The following SMG5 variants were observed in gnomAD, a reference collection of about 807,000 sequenced individuals.
SMG5 encodes the protein SMG5 nonsense mediated mRNA decay factor, also known as nonsense-mediated mRNA decay factor SMG5.
Under a neutral mutation model 122.9 loss-of-function variants are expected in SMG5, and 53 were observed. That is an observed-to-expected ratio of 0.43 (90% CI 0.35 to 0.54). The LOEUF is 0.54. Among genes scored for constraint, SMG5 ranks in the 20% least tolerant of loss-of-function variants. The probability of loss-of-function intolerance (pLI) is 0.01; values close to 1 mark genes in which losing one functional copy is unlikely to be tolerated. For synonymous variants in SMG5, 477 were observed against 490.2 expected (o/e 0.97, Z 0.35); for missense variants, 1,153 against 1,285.6 (o/e 0.90, Z 1.58).
upstream of SMG5, chr1:156,285,826 T>C (rs760661434): frequency 1.9e-6 from 3 of 1,613,662 alleles, no homozygotes; most frequent in South Asian, 1.1e-5. Context: ...GGCTAAGGGC[T>C]GTGGCCTCCG....
intron 1 of SMG5, among the ~76,000 whole-genome samples, chr1:156,281,096 T>C: frequency 6.6e-6 from 1 of 152,120 alleles, no homozygotes; most frequent in Non-Finnish European, 1.5e-5. Flanking sequence ...AATCAGACTT[T>C]CCTCCTAGTT....
chr1:156,270,430 A>G (rs1312451591), intron 7 of SMG5, among the ~76,000 whole-genome samples: 1 of 152,254 alleles, frequency 6.6e-6, no homozygotes, highest in African/African-American at 2.4e-5. Context: ...CCAACCCTCC[A>G]GATATATTAG....
At chr1:156,266,426 C>T (rs773948113) in intron 11 of SMG5, 46 bp from the exon 12 acceptor site, 1 of 1,600,562 alleles carries the variant, frequency 6.2e-7, no homozygotes, top group Non-Finnish European at 8.5e-7. Context: ...ACAGGTGGAG[C>T]CTGGAAGCTG....
At chr1:156,274,799 A>G in intron 4 of SMG5, 113 bp from the exon 5 acceptor site, 1 of 813,212 alleles carries the variant, frequency 1.2e-6, no homozygotes. Flanking sequence ...GTCTTGGAAC[A>G]TTGTCTTTCA....
chr1:156,255,780 G>C (rs1459341449), intron 16 of SMG5, among the ~76,000 whole-genome samples: 1 of 152,034 alleles, frequency 6.6e-6, no homozygotes, highest in Non-Finnish European at 1.5e-5. Flanking sequence ...ATGCATGCCT[G>C]TAGTCCTAGC....
rs1663010622 is a variant in SMG5, at chr1:156,282,626, G to A, written c.55C>T (p.His19Tyr). 2 of 1,608,926 alleles carry A rather than the reference G, an allele frequency of 1.2e-6. No individual in the cohort carries two copies. The highest frequency in any genetic ancestry group is 2.2e-5 in the East Asian group (1 of 44,854). Residue 19 changes from histidine to tyrosine, a missense_variant, in exon 1 of 22, where the codon CAC (histidine) becomes TAC (tyrosine). This residue lies in a region of SMG5 where 213 missense variants were observed against 197.5 expected (regional missense o/e 1.08). Coordinates refer to ENST00000361813, the MANE Select transcript of SMG5 (RefSeq NM_015327.3). ...ESSEPEAKVL[H>Y]TKRLYRAVVE... ...TCTCACCGGTAAAGCCGCTTAGTGT[G>A]GAGGACTTTTGCTTCGGGCTCGCTG... is the stretch of plus-strand genomic sequence containing the variant.
At chr1:156,279,169 TG>T in intron 1 of SMG5, 135 bp from the exon 2 acceptor site, 1 of 735,146 alleles carries the variant, frequency 1.4e-6, no homozygotes, top group Non-Finnish European at 2.3e-6. Flanking sequence ...GGCTGAGCTC[TG>T]TACAAAACAA....
chr1:156,260,066 T>C (rs1159824500), intron 15 of SMG5, among the ~76,000 whole-genome samples: 1 of 152,164 alleles, frequency 6.6e-6, no homozygotes, highest in East Asian at 1.9e-4. Flanking sequence ...GGGCAGCACA[T>C]TCCCTTCCAG....
intron 16 of SMG5, among the ~76,000 whole-genome samples, chr1:156,253,976 C>T (rs1237232228): frequency 6.6e-6 from 1 of 152,182 alleles, no homozygotes; most frequent in Non-Finnish European, 1.5e-5. Context: ...ACTCAGCAGC[C>T]CCATCTGCTC....
In SMG5 at chr1:156,263,541, T is replaced by C; in HGVS notation, c.1885A>G (p.Ser629Gly). 6.2e-7 allele frequency: 1 copy of C among 1,614,020 alleles called. No homozygotes were observed. Among genetic ancestry groups the C allele is most frequent in the African/African-American group, 1.3e-5 (1 of 75,032 alleles). ...CGACAGGAGCGTCCACTGGACTCAC[T>C]CCCCTCCGACTCAGAGCCCTCCTCA... Reference protein sequence around the residue: ...ASEEGSESEGSESSGRSCRNE... With the variant: ...ASEEGSESEGGESSGRSCRNE... The change falls in exon 13 of 22, where the codon AGT becomes GGT. Residue 629 changes from serine to glycine, a missense_variant. By Grantham distance (56) the Ser-to-Gly change is moderately conservative. Coordinates refer to ENST00000361813, the MANE Select transcript of SMG5 (RefSeq NM_015327.3).
In SMG5 at chr1:156,250,886, T is replaced by G; in HGVS notation, c.2939A>C (p.Asn980Thr). 1.2e-6 allele frequency: 2 copies of G among 1,613,844 alleles called. No individual in the cohort carries two copies. The highest frequency in any genetic ancestry group is 1.7e-4 in the Middle Eastern group (1 of 6,034). ...CATGGGGCCTGAAAGCACGCTGGGGTTGTCCAGTGGAAGGCCTGTGATGAT... is the reference window on the plus strand; with the variant it reads ...CATGGGGCCTGAAAGCACGCTGGGGGTGTCCAGTGGAAGGCCTGTGATGAT... Reference protein sequence around the residue: ...VTIITGLPLDNPSVLSGPMQA... With the variant: ...VTIITGLPLDTPSVLSGPMQA... Residue 980 changes from asparagine (N) to threonine (T), a missense_variant, in exon 21 of 22, where the codon AAC becomes ACC. Coordinates refer to ENST00000361813, the MANE Select transcript of SMG5 (RefSeq NM_015327.3).
chr1:156,274,772 C>G, intron 4 of SMG5, 86 bp from the exon 5 acceptor site: 1 of 1,060,994 alleles, frequency 9.4e-7, no homozygotes, highest in Non-Finnish European at 1.4e-6. Context: ...GATGTAGAGA[C>G]TAAGAATCCA....
chr1:156,287,606 C>CTTTTTTTT (rs745468403), upstream of SMG5, among the ~76,000 whole-genome samples: 1 of 72,638 alleles, frequency 1.4e-5, no homozygotes, highest in Non-Finnish European at 2.6e-5. Context: ...TTACTCTCCA[C>CTTTTTTTT]TTTTTTTTTT....
upstream of SMG5, among the ~76,000 whole-genome samples, chr1:156,287,572 G>A (rs577986179): frequency 1.3e-5 from 2 of 148,198 alleles, no homozygotes; most frequent in Admixed American, 6.7e-5. Context: ...AACCAAGGAT[G>A]TGTGAGCTCT....
Position 156,252,291 on chromosome 1 carries a change from T to C in SMG5, c.2753+123A>G, listed in dbSNP as rs1223101534. The C allele has an allele frequency of 1.1e-5, 9 of 805,424 alleles. No individual in the cohort carries two copies. The East Asian group carries it at 2.3e-4, about 21-fold the overall frequency. The allele number at this position is 805,424 out of a possible 1,614,324, so 49.9% of individuals were successfully genotyped here. A position where few individuals can be genotyped will look rare whatever the true frequency, so the allele number is the denominator to read the frequency against. ...TCACTCCCCAGGCAGTGAGGTGAGC[T>C]AACTGTGAGTAGAGACGGGTATGTA... On this transcript the variant is annotated intron_variant, in intron 19 of 21. Transcript: ENST00000361813.
chr1:156,282,517 A>T, intron 1 of SMG5, 90 bp downstream of exon 1: 3 of 1,415,738 alleles, frequency 2.1e-6, no homozygotes, highest in Non-Finnish European at 2.9e-6. Flanking sequence ...CCTCACCCCG[A>T]CACCCGGGCC....
chr1:156,258,975 A>G, intron 16 of SMG5, 30 bp downstream of exon 16: 1 of 1,612,522 alleles, frequency 6.2e-7, no homozygotes, highest in Non-Finnish European at 8.5e-7. Context: ...ATGGGAGCAG[A>G]GCTGACGGGG....
upstream of SMG5, chr1:156,285,068 C>A: frequency 1.2e-6 from 1 of 804,614 alleles, no homozygotes; most frequent in Non-Finnish European, 1.8e-6. Context: ...CCCTAAGGCT[C>A]CAGAAGGGGC....
At chr1:156,252,892 G>A (rs1423312154) in intron 18 of SMG5, 27 bp downstream of exon 18, 2 of 1,528,940 alleles carry the variant, frequency 1.3e-6, no homozygotes, top group Non-Finnish European at 1.8e-6. Flanking sequence ...GTCATACTCT[G>A]TCTCCTTACC....
Sources: allele counts gnomAD v4.1 joint callset (sites outside exome capture counted in the v4.1 genomes callset), GRCh38; gene constraint gnomAD v4.1.1; regional missense constraint gnomAD v4.1.1; transcripts MANE v1.5; gene names NCBI Gene and HGNC (gene_info 2026-07-23, HGNC 2026-07-21).